The following CHST9 variants were observed in gnomAD, a reference collection of about 807,000 sequenced individuals.
CHST9 encodes the protein GalNAc-4-sulfotransferase 2.
A neutral mutation model predicts 44.4 loss-of-function variants in CHST9; 41 were observed. The ratio of observed to expected loss-of-function variants is 0.92; its 90% CI spans 0.72 to 1.20. The LOEUF (loss-of-function observed/expected upper bound fraction) is 1.20, where lower values mean the gene tolerates loss of function less well. Among genes scored for constraint, CHST9 ranks in the 50% most tolerant of loss-of-function variants. CHST9 has a pLI of 0.00. For missense variants in CHST9, 504 were observed against 516.5 expected (o/e 0.98, Z 0.23); for synonymous variants, 171 against 178.4 (o/e 0.96, Z 0.33).
chr18:27,084,293 T>C (rs2057988680), intron 2 of CHST9, among the ~76,000 whole-genome samples: 1 of 151,942 alleles, frequency 6.6e-6, no homozygotes, highest in South Asian at 2.1e-4. Context: ...TTCTGGTCGG[T>C]AGGCATTTTT....
intron 2 of CHST9, among the ~76,000 whole-genome samples, chr18:27,054,821 C>T (rs893229268): frequency 9.9e-5 from 15 of 151,716 alleles, no homozygotes; most frequent in Admixed American, 3.9e-4. Flanking sequence ...TGTGTGTGTG[C>T]GTGCACATGC....
At chr18:27,136,210 A>G (rs939333340) in intron 2 of CHST9, among the ~76,000 whole-genome samples, 15 of 152,348 alleles carry the variant, frequency 9.8e-5, no homozygotes, top group African/African-American at 3.4e-4. Context: ...GGGGCAAGAA[A>G]GGGAGATACC....
intron 4 of CHST9, among the ~76,000 whole-genome samples, chr18:26,949,702 C>T (rs1036845394): frequency 3.3e-5 from 5 of 152,084 alleles, no homozygotes; most frequent in Non-Finnish European, 5.9e-5. Context: ...CCTGTGAATA[C>T]GGGACCTTTC....
At chr18:26,989,032 A>G (rs2056786070) in intron 4 of CHST9, among the ~76,000 whole-genome samples, 1 of 152,160 alleles carries the variant, frequency 6.6e-6, no homozygotes, top group Non-Finnish European at 1.5e-5. Flanking sequence ...TAACACCTAT[A>G]TAAGAAAAAA....
intron 5 of CHST9, among the ~76,000 whole-genome samples, 179 bp downstream of exon 5, chr18:26,944,150 C>A (rs2056126549): frequency 6.6e-6 from 1 of 152,072 alleles, no homozygotes; most frequent in Admixed American, 6.6e-5. Flanking sequence ...TGGGAGGAGA[C>A]AAAGAAAGCG....
intron 3 of CHST9, among the ~76,000 whole-genome samples, chr18:27,037,542 T>A (rs1248805348): frequency 2.6e-5 from 4 of 152,034 alleles, no homozygotes; most frequent in Admixed American, 2.0e-4. Flanking sequence ...ATAAAAAAAA[T>A]TTAGCTGGAT....
chr18:27,168,241 A>G (rs1323918403), intron 1 of CHST9, among the ~76,000 whole-genome samples: 1 of 151,880 alleles, frequency 6.6e-6, no homozygotes, highest in Admixed American at 6.6e-5. Flanking sequence ...CGCCCGGCTA[A>G]TTTTTTGTAT....
intron 2 of CHST9, among the ~76,000 whole-genome samples, chr18:27,122,490 T>C (rs1316556260): frequency 6.6e-6 from 1 of 152,032 alleles, no homozygotes; most frequent in Non-Finnish European, 1.5e-5. Context: ...ACAAAAAAAG[T>C]TGAAGGAAAG....
At chr18:26,918,504 C>CATATAT (rs35106517) in intron 5 of CHST9, among the ~76,000 whole-genome samples, 9 of 149,550 alleles carry the variant, frequency 6.0e-5, no homozygotes, top group African/African-American at 2.0e-4. Flanking sequence ...CACATGATTG[C>CATATAT]ATATATATAT....
At position 26,986,725 on chromosome 18, in the gene CHST9, G is replaced by C. The variant is rs764153069; in HGVS notation, c.202+37391C>G. ...TTTTATACTGAAGAACAAAATTAAA[G>C]ATGACAGGATTTCTTGTTGGAAACA... On this transcript the variant is annotated intron_variant, in intron 4 of 5. Coordinates refer to ENST00000618847, the MANE Select transcript of CHST9 (RefSeq NM_031422.6). 2.2e-4 allele frequency among the ~76,000 whole-genome samples: 33 copies of C among 152,188 alleles called. No individual in the cohort carries two copies. The South Asian group carries it at 3.3e-3, about 15-fold the overall frequency.
intron 2 of CHST9, among the ~76,000 whole-genome samples, chr18:27,053,181 A>G (rs1446352705): frequency 5.4e-5 from 8 of 147,782 alleles, no homozygotes; most frequent in African/African-American, 2.0e-4. Flanking sequence ...AAGAAGAAGA[A>G]GAAGAAGAAG....
At chr18:26,951,623 TTAC>T (rs2056249652) in intron 4 of CHST9, among the ~76,000 whole-genome samples, 1 of 152,132 alleles carries the variant, frequency 6.6e-6, no homozygotes, top group African/African-American at 2.4e-5. Flanking sequence ...AGTAGGAACT[TTAC>T]TCTCTCAAAC....
Position 26,919,394 on chromosome 18 carries a change from T to C in CHST9, c.241-2044A>G, listed in dbSNP as rs2055603735. On this transcript the variant is annotated intron_variant, in intron 5 of 5. Coordinates refer to ENST00000618847, the MANE Select transcript of CHST9 (RefSeq NM_031422.6). ...CAGTGATTTGTAGTACATAAAGTTGTCACTGAAAATATAAAATTTGACTGT... is the reference window on the plus strand; with the variant it reads ...CAGTGATTTGTAGTACATAAAGTTGCCACTGAAAATATAAAATTTGACTGT... Among the ~76,000 whole-genome samples, 4 of 152,328 alleles carry C rather than the reference T, an allele frequency of 2.6e-5. No individual in the cohort carries two copies. In the South Asian group the frequency reaches 8.3e-4, roughly 32 times the overall value.
At chr18:27,064,266 A>C (rs1051472300) in intron 2 of CHST9, among the ~76,000 whole-genome samples, 4 of 128,750 alleles carry the variant, frequency 3.1e-5, no homozygotes, top group African/African-American at 9.5e-5. Flanking sequence ...TAAGCCTTAC[A>C]GCGAAAAAAA....
intron 1 of CHST9, among the ~76,000 whole-genome samples, chr18:27,153,204 T>C (rs781699116): frequency 1.3e-5 from 2 of 152,176 alleles, no homozygotes; most frequent in Non-Finnish European, 2.9e-5. Flanking sequence ...AACAGTGTCA[T>C]CCTATGCTCC....
intron 2 of CHST9, 130 bp from the exon 3 acceptor site, chr18:27,048,633 A>G: frequency 1.5e-6 from 1 of 645,578 alleles, no homozygotes; most frequent in Non-Finnish European, 2.6e-6. Context: ...GTGCTCCTAG[A>G]GATGACTGGG....
intron 2 of CHST9, among the ~76,000 whole-genome samples, chr18:27,129,487 A>G (rs2058454096): frequency 6.6e-6 from 1 of 151,934 alleles, no homozygotes; most frequent in African/African-American, 2.4e-5. Flanking sequence ...CCACCTCCTG[A>G]GTTCAAGCAA....
intron 4 of CHST9, among the ~76,000 whole-genome samples, chr18:26,978,275 G>C (rs12458540): frequency 7.3e-6 from 1 of 136,690 alleles, no homozygotes; most frequent in South Asian, 2.3e-4. Flanking sequence ...GTGTGTGTGT[G>C]AGTGTGTGTA....
At chr18:26,945,267 G>C (rs1384384085) in intron 4 of CHST9, among the ~76,000 whole-genome samples, 1 of 152,114 alleles carries the variant, frequency 6.6e-6, no homozygotes, top group African/African-American at 2.4e-5. Context: ...AATGCAGAGA[G>C]ATCTCTTGTA....
Sources: allele counts gnomAD v4.1 joint callset (sites outside exome capture counted in the v4.1 genomes callset), GRCh38; gene constraint gnomAD v4.1.1; transcripts MANE v1.5; gene names NCBI Gene and HGNC (gene_info 2026-07-23, HGNC 2026-07-21).